SUSD1: variants seen among roughly 807,000 people sequenced by gnomAD.
The protein encoded by SUSD1 is sushi domain-containing protein 1.
SUSD1 carries 65 observed loss-of-function variants against 86.9 expected under a neutral mutation model. The ratio of observed to expected loss-of-function variants is 0.75; its 90% CI spans 0.61 to 0.92. SUSD1 has a LOEUF of 0.92. SUSD1 is among the 40% of genes least tolerant of loss of function. The probability of loss-of-function intolerance (pLI) is 0.00; values close to 1 mark genes in which losing one functional copy is unlikely to be tolerated. For synonymous variants in SUSD1, 346 were observed against 350.0 expected, an observed-to-expected ratio of 0.99 and a Z score of 0.13; for missense variants, 850 against 929.7, an observed-to-expected ratio of 0.91 and a Z score of 1.11.
intron 5 of SUSD1, among the ~76,000 whole-genome samples, chr9:112,136,185 G>A (rs984879890): frequency 4.6e-5 from 7 of 152,196 alleles, no homozygotes; most frequent in Non-Finnish European, 1.0e-4. Flanking sequence ...TCAGTATATC[G>A]TGAGGTGCCA....
intron 10 of SUSD1, among the ~76,000 whole-genome samples, chr9:112,085,874 A>AG (rs1291637339): frequency 9.2e-5 from 14 of 152,240 alleles, no homozygotes; most frequent in Non-Finnish European, 2.1e-4. Context: ...CAACATATGC[A>AG]GTAAGCCGAG....
At chr9:112,112,001 G>T in intron 7 of SUSD1, 161 bp from the exon 8 acceptor site, 1 of 666,962 alleles carries the variant, frequency 1.5e-6, no homozygotes, top group Non-Finnish European at 2.5e-6. Flanking sequence ...AGTCTGATCA[G>T]CCCAGTGAAT....
chr9:112,154,332 ACAC>A (rs374528349), intron 2 of SUSD1, among the ~76,000 whole-genome samples: 199 of 115,078 alleles, frequency 1.7e-3, no homozygotes, highest in South Asian at 0.013. Context: ...CCACACACAC[ACAC>A]AAAAAAAAAA....
intron 3 of SUSD1, 48 bp from the exon 4 acceptor site, chr9:112,143,671 GAA>G: frequency 7.5e-7 from 1 of 1,329,592 alleles, no homozygotes; most frequent in Non-Finnish European, 1.0e-6. Context: ...ACAGAAAAAA[GAA>G]AAAAAAAAGG....
At chr9:112,048,400 T>C (rs1237808230) in intron 15 of SUSD1, among the ~76,000 whole-genome samples, 1 of 152,226 alleles carries the variant, frequency 6.6e-6, no homozygotes, top group Non-Finnish European at 1.5e-5. Context: ...TATATACACA[T>C]ATATGTACAT....
intron 5 of SUSD1, among the ~76,000 whole-genome samples, chr9:112,135,737 GC>G (rs1360297109): frequency 2.0e-5 from 3 of 152,192 alleles, no homozygotes; most frequent in Non-Finnish European, 4.4e-5. Context: ...GAGGAGACCT[GC>G]CACTCCTCAC....
intron 1 of SUSD1, among the ~76,000 whole-genome samples, chr9:112,166,115 G>T (rs7863968): frequency 0.015 from 2,230 of 152,248 alleles, 53 homozygotes; most frequent in African/African-American, 0.051. Flanking sequence ...GGCTACCAAG[G>T]CTTCTCAGAC....
At chr9:112,080,029 A>C in intron 11 of SUSD1, 45 bp downstream of exon 11, 1 of 1,420,634 alleles carries the variant, frequency 7.0e-7, no homozygotes, top group Non-Finnish European at 9.9e-7. Context: ...TAAGCCTCCC[A>C]CATAAGACAA....
Position 112,063,045 on chromosome 9 carries a change from T to A in SUSD1, c.1754-12A>T. 6.4e-7 allele frequency: 1 copy of A among 1,573,626 alleles called. No individual in the cohort carries two copies. Among genetic ancestry groups the A allele is most frequent in the Non-Finnish European group, 8.7e-7 (1 of 1,143,428 alleles). Reference sequence around the variant, plus strand: ...CGGGAGGGGAGGCTCTGAAAACATGTTGAAAAGAAGAAAAGGGGTATGATT... The same window carrying A: ...CGGGAGGGGAGGCTCTGAAAACATGATGAAAAGAAGAAAAGGGGTATGATT... On this transcript the variant is annotated splice_polypyrimidine_tract_variant and intron_variant, in intron 12 of 16. Coordinates refer to ENST00000374270, the MANE Select transcript of SUSD1 (RefSeq NM_022486.5).
intron 5 of SUSD1, among the ~76,000 whole-genome samples, chr9:112,133,837 C>T (rs1832138778): frequency 6.6e-6 from 1 of 152,132 alleles, no homozygotes; most frequent in Non-Finnish European, 1.5e-5. Flanking sequence ...GTCTAATATC[C>T]AGAATCTACA....
rs749508433 is a variant in SUSD1 at position 112,041,450 on chromosome 9, C to T, written c.*42G>A. On this transcript the variant is annotated 3_prime_UTR_variant, in exon 17 of 17. Coordinates refer to ENST00000374270, the MANE Select transcript of SUSD1 (RefSeq NM_022486.5). ...ACCTGAGAAGCTGCCAGAACACCTG[C>T]CCAGCAGCAGTGCATCCTCCCCACT... is the stretch of plus-strand genomic sequence containing the variant. 3.8e-6 allele frequency: 3 copies of T among 780,992 alleles called. No homozygotes were observed. The highest frequency in any genetic ancestry group is 7.2e-6 in the Non-Finnish European group (3 of 418,098). The allele number at this position is 780,992 out of a possible 1,614,324, so 48.4% of individuals were successfully genotyped here.
chr9:112,062,973 C>A lies in SUSD1; in HGVS notation c.1814G>T (p.Arg605Ile). ...TVHRGPLPRL[R>I]LRKAKEKNGP... ...ATTTTTCTCCTTGGCTTTCCTCAGT[C>A]TGAGGCGTGGTAGAGGTCCTCTGTG... is the stretch of plus-strand genomic sequence containing the variant. The change falls in exon 13 of 17, where the codon AGA becomes ATA. Residue 605 changes from arginine to isoleucine, a missense_variant. Arg to Ile is a moderately conservative substitution (Grantham distance 97, BLOSUM62 -3). Transcript: ENST00000374270. 6.2e-7 allele frequency: 1 copy of A among 1,613,576 alleles called. No individual in the cohort carries two copies. The highest frequency in any genetic ancestry group is 8.5e-7 in the Non-Finnish European group (1 of 1,179,696).
At chr9:112,109,337 G>C (rs940668903) in intron 8 of SUSD1, among the ~76,000 whole-genome samples, 3 of 152,164 alleles carry the variant, frequency 2.0e-5, no homozygotes, top group East Asian at 3.8e-4. Flanking sequence ...AAGGAAAATA[G>C]CATAACTCCA....
At chr9:112,081,237 G>A (rs1039201417) in intron 10 of SUSD1, among the ~76,000 whole-genome samples, 9 of 152,160 alleles carry the variant, frequency 5.9e-5, no homozygotes, top group South Asian at 2.1e-4. Flanking sequence ...CCCAAATTAC[G>A]TGAAAAAAGG....
chr9:112,161,498 T>G (rs1833568304), intron 1 of SUSD1, among the ~76,000 whole-genome samples: 1 of 151,754 alleles, frequency 6.6e-6, no homozygotes, highest in Non-Finnish European at 1.5e-5. Flanking sequence ...GATGAACATA[T>G]GAACATTCTC....
At chr9:112,151,866 C>G (rs1833061933) in intron 2 of SUSD1, among the ~76,000 whole-genome samples, 1 of 151,250 alleles carries the variant, frequency 6.6e-6, no homozygotes, top group Non-Finnish European at 1.5e-5. Context: ...GAAACCCCGT[C>G]TCTACTAAAA....
intron 15 of SUSD1, among the ~76,000 whole-genome samples, chr9:112,050,075 G>C (rs976950348): frequency 4.6e-5 from 7 of 152,296 alleles, no homozygotes; most frequent in Admixed American, 2.0e-4. Flanking sequence ...GTGTCTGGAA[G>C]CTTTGTCATC....
At chr9:112,137,600 AC>A (rs1564327957) in intron 5 of SUSD1, among the ~76,000 whole-genome samples, 1 of 152,230 alleles carries the variant, frequency 6.6e-6, no homozygotes, top group East Asian at 1.9e-4. Context: ...GAAATTCTTA[AC>A]CCCTGAGGAT....
intron 15 of SUSD1, among the ~76,000 whole-genome samples, chr9:112,045,391 T>C (rs898349362): frequency 2.6e-5 from 4 of 152,254 alleles, no homozygotes; most frequent in Non-Finnish European, 5.9e-5. Flanking sequence ...TTGGGTTTGA[T>C]TTCAACTCAT....
Sources: gnomAD v4.1 joint callset for allele counts (sites outside exome capture counted in the v4.1 genomes callset) on GRCh38, gnomAD v4.1.1 for gene constraint, MANE v1.5 for transcripts, NCBI Gene and HGNC (gene_info 2026-07-23, HGNC 2026-07-21) for gene names.